The following PARS2 variants were observed in gnomAD, a reference collection of about 807,000 sequenced individuals.
The protein encoded by PARS2 is probable proline--tRNA ligase, mitochondrial.
In PARS2, 20 loss-of-function variants were observed where a neutral mutation model predicts 27.4. The observed-to-expected ratio is 0.73, with a 90% CI of 0.51 to 1.06. PARS2 has a LOEUF of 1.06. Ranked by LOEUF, PARS2 falls within the 50% of genes least tolerant of loss-of-function variation. The probability of loss-of-function intolerance (pLI) is 0.00; values close to 1 mark genes in which losing one functional copy is unlikely to be tolerated. For missense variants in PARS2, 585 were observed against 602.1 expected, an observed-to-expected ratio of 0.97 and a Z score of 0.30; for synonymous variants, 240 against 247.1, an observed-to-expected ratio of 0.97 and a Z score of 0.27.
At chr1:54,760,271 G>A (rs1646148257) in intron 1 of PARS2, among the ~76,000 whole-genome samples, 1 of 152,112 alleles carries the variant, frequency 6.6e-6, no homozygotes, top group African/African-American at 2.4e-5. Flanking sequence ...TCAAAACTCT[G>A]TGTCCCAGAA....
rs766827501 is a variant in PARS2, at chr1:54,759,036, CA to C, written c.125del (p.Leu42ArgfsTer25). On this transcript the variant is annotated frameshift_variant, in exon 2 of 2. Transcript: ENST00000371279. LOFTEE classifies it high-confidence loss of function. ...CAPRRGRRLLLSRVFQPQNLR... is the reference protein window; with the variant it reads ...CAPRRGRRLLXSRVFQPQNLR... ...GGTTCTGTGGCTGGAACACACGAGA[CA>C]GCAGCAGGCGCCGCCCTCTTCTTGG... The C allele has an allele frequency of 6.2e-7, 1 of 1,614,128 alleles. No homozygotes were observed. The highest frequency in any genetic ancestry group is 1.1e-5 in the South Asian group (1 of 91,082).
intron 1 of PARS2, 133 bp from the exon 2 acceptor site, chr1:54,759,323 A>G (rs1452524058): frequency 1.7e-6 from 1 of 580,748 alleles, no homozygotes; most frequent in Admixed American, 3.2e-5. Context: ...TCCATTTCTA[A>G]TATCCTAGCA....
chr1:54,759,017 G>A lies in PARS2; in HGVS notation c.145C>T (p.Gln49Ter). ...AGCACCCGGTCTTCCCGAAGGTTCT[G>A]TGGCTGGAACACACGAGACAGCAGC... ...RLLLSRVFQPQNLREDRVLSL... is the reference protein window; with the variant it reads ...RLLLSRVFQP Residue 49 changes from glutamine (Q) to a stop codon, truncating the protein, a stop_gained, in exon 2 of 2, where the codon CAG (glutamine) becomes TAG (stop). Transcript: ENST00000371279. LOFTEE classifies it high-confidence loss of function. 1.2e-6 allele frequency: 2 copies of A among 1,614,182 alleles called. No homozygotes were observed. The highest frequency in any genetic ancestry group is 2.2e-5 in the East Asian group (1 of 44,876).
chr1:54,762,136 GTT>G (rs35646933), intron 1 of PARS2, among the ~76,000 whole-genome samples: 48 of 128,600 alleles, frequency 3.7e-4, no homozygotes, highest in Admixed American at 7.1e-4. Context: ...TGGAGGGCTT[GTT>G]TTTTTTTTTT....
chr1:54,761,873 G>A (rs984469496), intron 1 of PARS2, among the ~76,000 whole-genome samples: 19 of 152,214 alleles, frequency 1.2e-4, no homozygotes, highest in Non-Finnish European at 1.9e-4. Flanking sequence ...ACGGGCCATG[G>A]AGGCAAGGCA....
At position 54,758,787 on chromosome 1, in the gene PARS2, TGCCGG is replaced by T; in HGVS notation, c.370_374del (p.Pro124ArgfsTer20). 1 of 1,614,160 alleles carries T rather than the reference TGCCGG, an allele frequency of 6.2e-7. No individual in the cohort carries two copies. The highest frequency in any genetic ancestry group is 8.5e-7 in the Non-Finnish European group (1 of 1,180,020). ...ACCGGTTGGTGGCTTGCCAGAGCTC[TGCCGG>T]GCTGAGGCTGGGCATGTTGACTTTC... On this transcript the variant is annotated frameshift_variant, in exon 2 of 2. Transcript: ENST00000371279. LOFTEE classifies it high-confidence loss of function.
In PARS2 at chr1:54,757,828, G is replaced by A. The variant is rs373158615; in HGVS notation, c.1334C>T (p.Ala445Val). 1.9e-6 allele frequency: 3 copies of A among 1,614,020 alleles called. No homozygotes were observed. The highest frequency in any genetic ancestry group is 1.3e-5 in the African/African-American group (1 of 74,926). ...IAGKRALEDP[A>V]HFEVWCQNTG... ...GTTCTGACACCAAACCTCAAAATGT[G>A]CAGGGTCCTCCAGGGCCCTCTTGCC... Residue 445 changes from alanine (A) to valine (V), a missense_variant, in exon 2 of 2, where the codon GCA (alanine) becomes GTA (valine). Coordinates refer to ENST00000371279, the MANE Select transcript of PARS2 (RefSeq NM_152268.4).
intron 1 of PARS2, among the ~76,000 whole-genome samples, chr1:54,762,762 C>T (rs553267093): frequency 2.8e-4 from 43 of 152,140 alleles, no homozygotes; most frequent in Non-Finnish European, 5.6e-4. Context: ...TGGAGTCTTG[C>T]TATGTTGCCC....
At chr1:54,764,121 T>C (rs1442028314) in intron 1 of PARS2, among the ~76,000 whole-genome samples, 1 of 152,162 alleles carries the variant, frequency 6.6e-6, no homozygotes, top group Non-Finnish European at 1.5e-5. Context: ...ACCACTCACT[T>C]CGCCCCGGAC....
At position 54,759,000 on chromosome 1, in the gene PARS2, G is replaced by A. The variant is rs757402764; in HGVS notation, c.162C>T (p.Asp54=). 6 of 1,614,178 alleles carry A rather than the reference G, an allele frequency of 3.7e-6. No homozygotes were observed. The highest frequency in any genetic ancestry group is 3.3e-5 in the South Asian group (3 of 91,086). The change falls in exon 2 of 2, where the codon GAC becomes GAT. Residue 54 remains aspartate, a synonymous_variant. Coordinates refer to ENST00000371279, the MANE Select transcript of PARS2 (RefSeq NM_152268.4). The stretch of plus-strand genomic sequence containing the variant: ...ATTTGTCCTGCAGGGAGAGCACCCG[G>A]TCTTCCCGAAGGTTCTGTGGCTGGA... ...RVFQPQNLRE[D]RVLSLQDKSD... is the part of the protein sequence containing the mutation.
intron 1 of PARS2, among the ~76,000 whole-genome samples, chr1:54,761,364 G>T (rs1049818981): frequency 2.0e-5 from 3 of 152,134 alleles, no homozygotes; most frequent in Non-Finnish European, 4.4e-5. Flanking sequence ...CATGACAGGG[G>T]CTTACTAGAC....
chr1:54,762,613 T>G (rs1646163785), intron 1 of PARS2, among the ~76,000 whole-genome samples: 1 of 152,268 alleles, frequency 6.6e-6, no homozygotes, highest in African/African-American at 2.4e-5. Context: ...GTACCACCAA[T>G]GACTAATGTC....
intron 1 of PARS2, among the ~76,000 whole-genome samples, chr1:54,763,485 G>C (rs1646168335): frequency 1.3e-5 from 2 of 152,072 alleles, no homozygotes; most frequent in African/African-American, 4.8e-5. Context: ...ATTATCTGTT[G>C]ATCAAATATG....
In PARS2 at chr1:54,760,208, G is replaced by C. The variant is rs370795290; in HGVS notation, c.-29-1018C>G. ...ACTCCCTGGACAGCCTGCATGCTGAGAGCTGACTCAAAATCTCCACCTGCC... is the reference window on the plus strand; with the variant it reads ...ACTCCCTGGACAGCCTGCATGCTGACAGCTGACTCAAAATCTCCACCTGCC... On this transcript the variant is annotated intron_variant, in intron 1 of 1. Transcript: ENST00000371279. 2.6e-3 allele frequency among the ~76,000 whole-genome samples: 395 copies of C among 152,166 alleles called. 3 individuals are homozygous for C. Among genetic ancestry groups the C allele is most frequent in the African/African-American group, 8.8e-3 (366 of 41,506 alleles).
Position 54,762,593 on chromosome 1 carries a change from G to C in PARS2, c.-30+1868C>G, listed in dbSNP as rs556984947. ...CCCCACTGGGAGAACCACTGCAGGG[G>C]TCTAGCTGTGTACCACCAATGACTA... is the stretch of plus-strand genomic sequence containing the variant. On this transcript the variant is annotated intron_variant, in intron 1 of 1. Transcript: ENST00000371279. Among the ~76,000 whole-genome samples the C allele has an allele frequency of 3.9e-5, 6 of 152,360 alleles. No individual in the cohort carries two copies. The South Asian group carries it at 1.2e-3, about 32-fold the overall frequency.
At position 54,758,950 on chromosome 1, in the gene PARS2, T is replaced by C; in HGVS notation, c.212A>G (p.Gln71Arg). 3 of 1,614,080 alleles carry C rather than the reference T, an allele frequency of 1.9e-6. No homozygotes were observed. The highest frequency in any genetic ancestry group is 1.1e-5 in the South Asian group (1 of 91,072). ...CAGGCCCACCTGCAGCATCAGCCGCTGGCTCTTACAGGTCAGGTCATCAGA... is the reference window on the plus strand; with the variant it reads ...CAGGCCCACCTGCAGCATCAGCCGCCGGCTCTTACAGGTCAGGTCATCAGA... ...DKSDDLTCKS[Q>R]RLMLQVGLIY... Residue 71 changes from glutamine to arginine, a missense_variant, in exon 2 of 2, where the codon CAG (glutamine) becomes CGG (arginine). Gln to Arg is a conservative substitution (Grantham distance 43, BLOSUM62 1). Transcript: ENST00000371279.
chr1:54,758,004 G>A lies in PARS2; in HGVS notation c.1158C>T (p.Ala386=), dbSNP rs143717155. The change falls in exon 2 of 2, where the codon GCC becomes GCT. Residue 386 remains alanine, a synonymous_variant. Transcript: ENST00000371279. ...CGTACAGCTGCCCTATGAGCTCGGA[G>A]GCCGCCTGCTCCTTACTGCCCTTCT... ...PPKKGSKEQA[A]SELIGQLYDH... 1,792 of 1,614,174 alleles carry A rather than the reference G, an allele frequency of 1.1e-3. 1 individual carries two copies. The highest frequency in any genetic ancestry group is 2.1e-3 in the Admixed American group (129 of 60,022).
chr1:54,758,536 A>G lies in PARS2; in HGVS notation c.626T>C (p.Met209Thr), dbSNP rs747777009. The change falls in exon 2 of 2, where the codon ATG (methionine) becomes ACG (threonine). Residue 209 changes from methionine to threonine, a missense_variant. Met to Thr is a moderately conservative substitution (Grantham distance 81). Transcript: ENST00000371279. ...CTCTGGGGAGGAGTCAAAGGTGTAC[A>G]TATCCTTCATGTAAAACTCTCGGCC... ...LRGREFYMKD[M>T]YTFDSSPEAA... 6.2e-7 allele frequency: 1 copy of G among 1,614,198 alleles called. No individual in the cohort carries two copies. Among genetic ancestry groups the G allele is most frequent in the Non-Finnish European group, 8.5e-7 (1 of 1,180,044 alleles).
Position 54,758,033 on chromosome 1 carries a change from G to T in PARS2, c.1129C>A (p.Pro377Thr), listed in dbSNP as rs377345733. Residue 377 changes from proline to threonine, a missense_variant, in exon 2 of 2, where the codon CCT becomes ACT. Physicochemically the swap from Pro to Thr is conservative, Grantham distance 38. Coordinates refer to ENST00000371279, the MANE Select transcript of PARS2 (RefSeq NM_152268.4). ...GCCTGCTCCTTACTGCCCTTCTTAG[G>T]GGGGATGAGGCAGGCTTGGTAAGGG... ...LAPYQACLIP[P>T]KKGSKEQAAS... 6.2e-7 allele frequency: 1 copy of T among 1,614,110 alleles called. No individual in the cohort carries two copies. The highest frequency in any genetic ancestry group is 1.7e-5 in the Admixed American group (1 of 60,014).
Sources: gnomAD v4.1 joint callset for allele counts (sites outside exome capture counted in the v4.1 genomes callset) on GRCh38, gnomAD v4.1.1 for gene constraint, MANE v1.5 for transcripts, NCBI Gene and HGNC (gene_info 2026-07-23, HGNC 2026-07-21) for gene names.